The following TSPAN18 variants were observed in gnomAD, a reference collection of about 807,000 sequenced individuals.
TSPAN18 encodes tetraspanin-18.
A neutral mutation model predicts 27.3 loss-of-function variants in TSPAN18; 14 were observed. The ratio of observed to expected loss-of-function variants is 0.51; its 90% CI spans 0.34 to 0.80. The LOEUF (loss-of-function observed/expected upper bound fraction) is 0.80. Among genes scored for constraint, TSPAN18 ranks in the 30% least tolerant of loss-of-function variants. The probability of loss-of-function intolerance (pLI) is 0.01; values close to 1 mark genes in which losing one functional copy is unlikely to be tolerated. For synonymous variants in TSPAN18, 143 were observed against 136.5 expected (o/e 1.05, Z -0.33); for missense variants, 268 against 323.9 (o/e 0.83, Z 1.32).
chr11:44,783,677 G>A lies in TSPAN18; in HGVS notation c.-153+19165G>A, dbSNP rs185784129. Among the ~76,000 whole-genome samples the A allele has an allele frequency of 6.6e-5, 10 of 152,220 alleles. 1 individual carries two copies. The East Asian group carries it at 7.7e-4, about 12-fold the overall frequency. On this transcript the variant is annotated intron_variant, in intron 2 of 9. Transcript: ENST00000520358. The stretch of plus-strand genomic sequence containing the variant: ...CTCCCAGAGTGCTGGGATTACAGGC[G>A]TGAGCCACCGCGCCCGGCCTCCCAA...
Position 44,760,787 on chromosome 11 carries a change from A to T in TSPAN18, c.-239-3639A>T, listed in dbSNP as rs144309276. Among the ~76,000 whole-genome samples the T allele has an allele frequency of 1.6e-4, 24 of 152,348 alleles. No homozygotes were observed. The East Asian group carries it at 4.6e-3, about 29-fold the overall frequency. On this transcript the variant is annotated intron_variant, in intron 1 of 9. Transcript: ENST00000520358. ...CCTATTAAGCTCTGGTATTTTGCAG[A>T]TTCTAAGGCACACTTTTTTTTAACA...
chr11:44,850,251 C>T (rs1410537426), intron 2 of TSPAN18, among the ~76,000 whole-genome samples: 5 of 152,160 alleles, frequency 3.3e-5, no homozygotes, highest in Admixed American at 1.3e-4. Flanking sequence ...TATGTAGATA[C>T]ATTCTGCTTA....
At chr11:44,877,644 A>T (rs1022335593) in intron 3 of TSPAN18, among the ~76,000 whole-genome samples, 1 of 152,148 alleles carries the variant, frequency 6.6e-6, no homozygotes, top group East Asian at 1.9e-4. Context: ...CAGCCAGGTT[A>T]TGGTGACCAC....
intron 2 of TSPAN18, among the ~76,000 whole-genome samples, chr11:44,792,342 G>A (rs1212118626): frequency 6.6e-6 from 1 of 152,202 alleles, no homozygotes; most frequent in Non-Finnish European, 1.5e-5. Context: ...GGGGACCGCA[G>A]GCACGCACGG....
chr11:44,790,681 G>A (rs1371984385), intron 2 of TSPAN18, among the ~76,000 whole-genome samples: 3 of 152,206 alleles, frequency 2.0e-5, no homozygotes, highest in East Asian at 3.8e-4. Flanking sequence ...GATGCCAGAT[G>A]TTTAAGTAAA....
chr11:44,745,947 A>C (rs1372448616), intron 1 of TSPAN18, among the ~76,000 whole-genome samples: 1 of 152,254 alleles, frequency 6.6e-6, no homozygotes, highest in Admixed American at 6.5e-5. Context: ...GAATGGCCTG[A>C]ACCCGGGAGG....
intron 2 of TSPAN18, among the ~76,000 whole-genome samples, chr11:44,858,187 G>A (rs1639876441): frequency 6.6e-6 from 1 of 152,106 alleles, no homozygotes; most frequent in Admixed American, 6.5e-5. Flanking sequence ...GCTCCCACAG[G>A]CAGTCTTAGC....
chr11:44,849,573 C>T (rs1394058167), intron 2 of TSPAN18, among the ~76,000 whole-genome samples: 1 of 152,166 alleles, frequency 6.6e-6, no homozygotes, highest in African/African-American at 2.4e-5. Flanking sequence ...TCCCAGGGAT[C>T]TCTGAGCAAG....
intron 2 of TSPAN18, among the ~76,000 whole-genome samples, chr11:44,779,336 G>A (rs1386482571): frequency 6.6e-6 from 1 of 152,136 alleles, no homozygotes; most frequent in African/African-American, 2.4e-5. Context: ...GGCACTCCCT[G>A]GGGCCAGATG....
intron 2 of TSPAN18, among the ~76,000 whole-genome samples, chr11:44,781,159 C>G (rs999756166): frequency 5.9e-5 from 9 of 152,136 alleles, no homozygotes; most frequent in Non-Finnish European, 1.2e-4. Context: ...GCCAGTCTCT[C>G]CCCATGTGTA....
At position 44,854,187 on chromosome 11, in the gene TSPAN18, T is replaced by C. The variant is rs929066192; in HGVS notation, c.-152-6141T>C. 5.2e-4 allele frequency among the ~76,000 whole-genome samples: 14 copies of C among 26,994 alleles called. 1 individual carries two copies. Among genetic ancestry groups the C allele is most frequent in the Non-Finnish European group, 1.4e-3 (14 of 10,258 alleles). The allele number at this position is 26,994 out of a possible 152,430, so 17.7% of individuals were successfully genotyped here. On this transcript the variant is annotated intron_variant, in intron 2 of 9. Coordinates refer to ENST00000520358, the MANE Select transcript of TSPAN18 (RefSeq NM_130783.5). ...TGCAGAGCTCCTTGGTCTCTGCTCA[T>C]TGGGGCAGGGGGTGGGGGGGGGGGT... is the stretch of plus-strand genomic sequence containing the variant.
chr11:44,909,952 A>T, intron 5 of TSPAN18, 53 bp downstream of exon 5: 1 of 1,548,312 alleles, frequency 6.5e-7, no homozygotes. Flanking sequence ...GGTGTCAGGG[A>T]TTGGCTGCAG....
chr11:44,743,108 C>T (rs1462325551), intron 1 of TSPAN18, among the ~76,000 whole-genome samples: 1 of 152,184 alleles, frequency 6.6e-6, no homozygotes, highest in Non-Finnish European at 1.5e-5. Context: ...CCTGCCTCTC[C>T]TGTTGGTTAG....
chr11:44,766,697 A>G (rs1855575196), intron 2 of TSPAN18, among the ~76,000 whole-genome samples: 1 of 152,246 alleles, frequency 6.6e-6, no homozygotes, highest in African/African-American at 2.4e-5. Flanking sequence ...CTTGTTAGCC[A>G]GGAAACAGAT....
At chr11:44,843,211 G>A (rs7124319) in intron 2 of TSPAN18, among the ~76,000 whole-genome samples, 28,140 of 152,056 alleles carry the variant, frequency 0.19, 3,495 homozygotes, top group Non-Finnish European at 0.28. Flanking sequence ...CTAAGCATCG[G>A]CTGGCTTGAG....
rs143342134 is a variant in TSPAN18, at chr11:44,862,322, A to T, written c.-11+1853A>T. 1.8e-4 allele frequency among the ~76,000 whole-genome samples: 28 copies of T among 152,290 alleles called. No homozygotes were observed. In the East Asian group the frequency reaches 4.8e-3, roughly 26 times the overall value. ...ATATTCCTCTGCAGAAAAAATACCG[A>T]AAACCACAGCTTGTGATGCTGCCTC... is the stretch of plus-strand genomic sequence containing the variant. On this transcript the variant is annotated intron_variant, in intron 3 of 9. Transcript: ENST00000520358.
At chr11:44,812,575 G>T (rs1590514979) in intron 2 of TSPAN18, among the ~76,000 whole-genome samples, 1 of 152,142 alleles carries the variant, frequency 6.6e-6, no homozygotes, top group Non-Finnish European at 1.5e-5. Flanking sequence ...TCTGATGGGG[G>T]CCCATCTTCA....
At chr11:44,894,766 T>C (rs999786739) in intron 3 of TSPAN18, among the ~76,000 whole-genome samples, 1 of 152,116 alleles carries the variant, frequency 6.6e-6, no homozygotes, top group Non-Finnish European at 1.5e-5. Flanking sequence ...AGGGAAGAAG[T>C]TTAGCCAACT....
chr11:44,799,730 C>G (rs1438471771), intron 2 of TSPAN18, among the ~76,000 whole-genome samples: 2 of 152,228 alleles, frequency 1.3e-5, no homozygotes, highest in African/African-American at 4.8e-5. Context: ...GACCCATTCC[C>G]AGGGTTACAG....
Sources: allele counts gnomAD v4.1 joint callset (sites outside exome capture counted in the v4.1 genomes callset), GRCh38; gene constraint gnomAD v4.1.1; transcripts MANE v1.5; gene names NCBI Gene and HGNC (gene_info 2026-07-23, HGNC 2026-07-21).